Variants in GSK3B observed in about 807,000 individuals in gnomAD.
GSK3B encodes glycogen synthase kinase 3 beta, also known as glycogen synthase kinase-3 beta.
In GSK3B, 15 loss-of-function variants were observed where a neutral mutation model predicts 56.4. The ratio of observed to expected loss-of-function variants is 0.27; its 90% CI spans 0.18 to 0.41. The LOEUF is 0.41. Ranked by LOEUF, GSK3B falls within the 10% of genes least tolerant of loss-of-function variation. The pLI is 1.00. For synonymous variants in GSK3B, 181 were observed against 188.9 expected (o/e 0.96, Z 0.34); for missense variants, 300 against 513.4 (o/e 0.58, Z 4.02).
chr3:119,842,206 A>AGGG (rs1263291149), intron 10 of GSK3B, among the ~76,000 whole-genome samples: 1 of 152,144 alleles, frequency 6.6e-6, no homozygotes, highest in Non-Finnish European at 1.5e-5. Context: ...TTCACTCTTA[A>AGGG]GGGTTGGATA....
intron 7 of GSK3B, among the ~76,000 whole-genome samples, chr3:119,883,663 T>C (rs1259653122): frequency 6.6e-6 from 1 of 152,160 alleles, no homozygotes; most frequent in Non-Finnish European, 1.5e-5. Context: ...TGACCCTTGA[T>C]CTAGTACAAA....
At chr3:119,942,673 A>C (rs890680368) in intron 3 of GSK3B, among the ~76,000 whole-genome samples, 1 of 152,042 alleles carries the variant, frequency 6.6e-6, no homozygotes, top group Non-Finnish European at 1.5e-5. Context: ...CTGATCCCAC[A>C]CCTTAGCTTC....
chr3:119,950,676 T>TCCC (rs1576223392), intron 2 of GSK3B, among the ~76,000 whole-genome samples: 2 of 152,024 alleles, frequency 1.3e-5, no homozygotes, highest in Admixed American at 6.5e-5. Flanking sequence ...GCAAATCTAC[T>TCCC]CCCCCACAAT....
chr3:120,040,922 C>G (rs1455390625), intron 1 of GSK3B, among the ~76,000 whole-genome samples: 1 of 151,834 alleles, frequency 6.6e-6, no homozygotes, highest in African/African-American at 2.4e-5. Flanking sequence ...GGAATCAACA[C>G]CCTATGAACC....
At chr3:119,957,683 T>G (rs2057228558) in intron 2 of GSK3B, among the ~76,000 whole-genome samples, 1 of 152,078 alleles carries the variant, frequency 6.6e-6, no homozygotes, top group Admixed American at 6.6e-5. Flanking sequence ...ACTTCAATCC[T>G]CTCCACAAAC....
intron 1 of GSK3B, among the ~76,000 whole-genome samples, chr3:120,028,095 C>G (rs2057943010): frequency 3.9e-5 from 6 of 152,160 alleles, no homozygotes. Context: ...AATGTTTATT[C>G]TTCAATTAGG....
chr3:119,892,772 T>C (rs1009042253), intron 7 of GSK3B, among the ~76,000 whole-genome samples: 1 of 152,298 alleles, frequency 6.6e-6, no homozygotes, highest in African/African-American at 2.4e-5. Context: ...AACATAATCA[T>C]TGTATAAATG....
rs985660838 is a variant in GSK3B at position 119,822,445 on chromosome 3, C to T, written c.*4343G>A. The T allele has an allele frequency of 3.6e-5, 8 of 219,816 alleles. No individual in the cohort carries two copies. Among genetic ancestry groups the T allele is most frequent in the Admixed American group, 1.7e-4 (3 of 17,274 alleles). The allele number at this position is 219,816 out of a possible 1,614,324, so 13.6% of individuals were successfully genotyped here. A position where few individuals can be genotyped will look rare whatever the true frequency, so the allele number is the denominator to read the frequency against. On this transcript the variant is annotated 3_prime_UTR_variant, in exon 11 of 11. Transcript: ENST00000264235. ...ACAGATATAGTTAAGGAAAAAAAAA[C>T]TTAAAAATTAACACAAGGAAGTCTA... is the stretch of plus-strand genomic sequence containing the variant.
At chr3:119,952,649 A>G (rs960964297) in intron 2 of GSK3B, among the ~76,000 whole-genome samples, 3 of 152,042 alleles carry the variant, frequency 2.0e-5, no homozygotes, top group Middle Eastern at 3.4e-3. Flanking sequence ...CACTCATCAC[A>G]TACATGGGAA....
chr3:119,847,548 C>T (rs550793191), intron 9 of GSK3B, among the ~76,000 whole-genome samples: 2 of 152,008 alleles, frequency 1.3e-5, no homozygotes, highest in African/African-American at 2.4e-5. Context: ...CATGACAAAC[C>T]TATATCTCAA....
At chr3:119,910,602 T>C (rs891381010) in intron 6 of GSK3B, among the ~76,000 whole-genome samples, 1 of 152,208 alleles carries the variant, frequency 6.6e-6, no homozygotes, top group South Asian at 2.1e-4. Flanking sequence ...GGCTATACGA[T>C]GTGGCTGGAG....
intron 2 of GSK3B, among the ~76,000 whole-genome samples, chr3:119,973,837 C>T (rs1308375311): frequency 2.0e-5 from 3 of 152,132 alleles, no homozygotes; most frequent in Non-Finnish European, 4.4e-5. Context: ...TAGGCATCCA[C>T]TGGGGGTCTT....
At chr3:120,036,113 T>C (rs377608718) in intron 1 of GSK3B, among the ~76,000 whole-genome samples, 3 of 152,228 alleles carry the variant, frequency 2.0e-5, no homozygotes, top group East Asian at 1.9e-4. Flanking sequence ...GGTTTTTTCA[T>C]AGATGTTATC....
intron 1 of GSK3B, among the ~76,000 whole-genome samples, chr3:120,081,846 G>C (rs1019880119): frequency 1.3e-5 from 2 of 152,128 alleles, no homozygotes; most frequent in African/African-American, 4.8e-5. Flanking sequence ...ACATTAGAAG[G>C]GTCACAGAGA....
At chr3:119,841,550 G>C (rs2055772333) in intron 10 of GSK3B, among the ~76,000 whole-genome samples, 1 of 152,068 alleles carries the variant, frequency 6.6e-6, no homozygotes, top group South Asian at 2.1e-4. Context: ...TTCTAAACAG[G>C]TCATACTTTT....
rs2057956731 is a variant in GSK3B, at chr3:120,029,423, T to C, written c.89-27184A>G. On this transcript the variant is annotated intron_variant, in intron 1 of 10. Transcript: ENST00000264235. ...ACATGGCAGCAAATATCTTATGTTT[T>C]GTGGAGCTTCGCCTCCAGCACAGTG... 8.1e-6 allele frequency: 6 copies of C among 736,912 alleles called. No individual in the cohort carries two copies. In the South Asian group the frequency reaches 8.4e-5, roughly 10 times the overall value. 45.6% of individuals were successfully genotyped at this position (736,912 alleles called of 1,614,324 possible).
rs563553962 is a variant in GSK3B, at chr3:120,042,394, T to C, written c.89-40155A>G. ...CAGGCCATGTGTGATGCAGTCTTCA[T>C]GGAACTTATACCCTAGCCAAAACGG... On this transcript the variant is annotated intron_variant, in intron 1 of 10. Coordinates refer to ENST00000264235, the MANE Select transcript of GSK3B (RefSeq NM_001146156.2). Among the ~76,000 whole-genome samples the C allele has an allele frequency of 4.6e-5, 7 of 152,332 alleles. No homozygotes were observed. The South Asian group carries it at 1.2e-3, about 27-fold the overall frequency.
At chr3:120,004,697 GA>G (rs2057710571) in intron 1 of GSK3B, among the ~76,000 whole-genome samples, 1 of 152,132 alleles carries the variant, frequency 6.6e-6, no homozygotes. Flanking sequence ...CTGTTAGAAG[GA>G]AAACTAACAA....
intron 1 of GSK3B, among the ~76,000 whole-genome samples, chr3:120,062,863 A>G (rs994892785): frequency 6.6e-6 from 1 of 152,246 alleles, no homozygotes; most frequent in African/African-American, 2.4e-5. Context: ...TTGAGCCTAC[A>G]GAGAAAGTAA....
Sources: gnomAD v4.1 joint callset for allele counts (sites outside exome capture counted in the v4.1 genomes callset) on GRCh38, gnomAD v4.1.1 for gene constraint, MANE v1.5 for transcripts, NCBI Gene and HGNC (gene_info 2026-07-23, HGNC 2026-07-21) for gene names.